TMBIM1: variants seen among roughly 807,000 people sequenced by gnomAD.
The protein encoded by TMBIM1 is transmembrane BAX inhibitor motif containing 1, also known as protein lifeguard 3.
Under a neutral mutation model 45.1 loss-of-function variants are expected in TMBIM1, and 34 were observed. The ratio of observed to expected loss-of-function variants is 0.75; its 90% CI spans 0.57 to 1.00. TMBIM1 has a LOEUF of 1.00. TMBIM1 is among the 50% of genes least tolerant of loss of function. TMBIM1 has a pLI of 0.00. For synonymous variants in TMBIM1, 157 were observed against 153.5 expected (o/e 1.02, Z -0.17); for missense variants, 374 against 402.4 (o/e 0.93, Z 0.60).
chr2:218,280,843 G>A (rs1349571566), intron 2 of TMBIM1: 1 of 137,748 alleles, frequency 7.3e-6, no homozygotes, highest in Non-Finnish European at 1.5e-5. Context: ...TGGAGTTTCG[G>A]TCTTGTTGCC....
At position 218,277,029 on chromosome 2, in the gene TMBIM1, G is replaced by C; in HGVS notation, c.710C>G (p.Thr237Ser). The C allele has an allele frequency of 6.2e-7, 1 of 1,614,146 alleles. No individual in the cohort carries two copies. The highest frequency in any genetic ancestry group is 2.2e-5 in the East Asian group (1 of 44,880). ...GTATTGGAAGTAGAGCACAATGCTA[G>C]TGACAATCCCAGTCACCAGGAGCAC... ...GIVLLVTGIV[T>S]SIVLYFQYVY... is the part of the protein sequence containing the mutation. The change falls in exon 10 of 12, where the codon ACT (threonine) becomes AGT (serine). Residue 237 changes from threonine (T) to serine (S), a missense_variant. Transcript: ENST00000258412.
chr2:218,285,197 G>C (rs1336432115), intron 1 of TMBIM1, among the ~76,000 whole-genome samples: 1 of 152,236 alleles, frequency 6.6e-6, no homozygotes. Flanking sequence ...CAACAGTCCA[G>C]CAAGTTAATA....
At chr2:218,276,004 C>G in intron 11 of TMBIM1, 22 bp downstream of exon 11, 1 of 1,607,100 alleles carries the variant, frequency 6.2e-7, no homozygotes, top group Non-Finnish European at 8.5e-7. Flanking sequence ...GCTCCCCTTC[C>G]TAGAGTGGGG....
At chr2:218,285,225 A>G (rs1258114303) in intron 1 of TMBIM1, among the ~76,000 whole-genome samples, 1 of 152,226 alleles carries the variant, frequency 6.6e-6, no homozygotes, top group Non-Finnish European at 1.5e-5. Context: ...TATTATTCCC[A>G]TTTACAAATG....
In TMBIM1 at chr2:218,279,082, G is replaced by T. The variant is rs183968683; in HGVS notation, c.378C>A (p.Val126=). ...IIAIFTFVEP[V]SAFVRRNVAV... is the part of the protein sequence containing the mutation. ...CCACATTTCTCCTCACAAAGGCGCT[G>T]ACAGGTTCCCTGTGGGGCACAGGAG... is the stretch of plus-strand genomic sequence containing the variant. Residue 126 remains valine, a synonymous_variant, in exon 5 of 12, where the codon GTC becomes GTA. Transcript: ENST00000258412. 6.2e-7 allele frequency: 1 copy of T among 1,614,136 alleles called. No homozygotes were observed. Among genetic ancestry groups the T allele is most frequent in the East Asian group, 2.2e-5 (1 of 44,870 alleles).
At position 218,282,051 on chromosome 2, in the gene TMBIM1, C is replaced by G. The variant is rs200149625; in HGVS notation, c.91G>C (p.Val31Leu). 2.5e-6 allele frequency: 4 copies of G among 1,601,812 alleles called. No homozygotes were observed. Among genetic ancestry groups the G allele is most frequent in the Non-Finnish European group, 3.4e-6 (4 of 1,175,038 alleles). The part of the protein sequence containing the change: ...PPPGGYGQPS[V>L]LPGGYPAYPG... ...TAGGCAGGATACCCTCCTGGCAGGA[C>G]AGATGGCTGCCCATAGCCCCCAGGG... The change falls in exon 2 of 12, where the codon GTC becomes CTC. Residue 31 changes from valine to leucine, a missense_variant. Val to Leu is a conservative substitution (Grantham distance 32). Coordinates refer to ENST00000258412, the MANE Select transcript of TMBIM1 (RefSeq NM_022152.6).
chr2:218,275,353 G>T lies in TMBIM1; in HGVS notation c.*122C>A. 3 of 1,360,722 alleles carry T rather than the reference G, an allele frequency of 2.2e-6. No homozygotes were observed. Among genetic ancestry groups the T allele is most frequent in the Non-Finnish European group, 2.9e-6 (3 of 1,018,832 alleles). 84.3% of individuals were successfully genotyped at this position (1,360,722 alleles called of 1,614,324 possible). A position where few individuals can be genotyped will look rare whatever the true frequency, so the allele number is the denominator to read the frequency against. On this transcript the variant is annotated 3_prime_UTR_variant, in exon 12 of 12. Coordinates refer to ENST00000258412, the MANE Select transcript of TMBIM1 (RefSeq NM_022152.6). ...GGCCACCTGTCTCCAGGACAGAAAG[G>T]AAACTGGGCATGTTACTCAAGGGGA...
At chr2:218,292,301 G>A (rs1692983324) in intron 1 of TMBIM1, among the ~76,000 whole-genome samples, 165 bp downstream of exon 1, 1 of 152,138 alleles carries the variant, frequency 6.6e-6, no homozygotes, top group East Asian at 1.9e-4. Context: ...CCAAGGGCCA[G>A]GAGGGGAGAT....
intron 1 of TMBIM1, chr2:218,286,235 T>G (rs926676191): frequency 6.6e-6 from 1 of 151,962 alleles, no homozygotes; most frequent in Non-Finnish European, 1.5e-5. Flanking sequence ...AAACGGGGTT[T>G]CACCATGTTG....
chr2:218,276,313 T>C (rs903205983), intron 10 of TMBIM1, among the ~76,000 whole-genome samples: 1 of 152,114 alleles, frequency 6.6e-6, no homozygotes, highest in African/African-American at 2.4e-5. Context: ...CCAAAGCCAG[T>C]CAAGGTACAC....
At chr2:218,277,910 C>T in intron 7 of TMBIM1, 25 bp downstream of exon 7, 1 of 1,614,100 alleles carries the variant, frequency 6.2e-7, no homozygotes, top group Non-Finnish European at 8.5e-7. Flanking sequence ...ATCTCCACAC[C>T]CTCCTGCCAC....
chr2:218,283,011 G>A (rs1015871867), intron 1 of TMBIM1, among the ~76,000 whole-genome samples: 5 of 152,182 alleles, frequency 3.3e-5, no homozygotes, highest in Non-Finnish European at 5.9e-5. Context: ...CCCCCACCCT[G>A]GAGGGGGAGA....
At position 218,275,428 on chromosome 2, in the gene TMBIM1, G is replaced by A; in HGVS notation, c.*47C>T. On this transcript the variant is annotated 3_prime_UTR_variant, in exon 12 of 12. Transcript: ENST00000258412. ...CACAGTCATAGGGCCCAGCCCTCTA[G>A]CTTGGAAGGGAGAGCCCAGGATCGG... is the stretch of plus-strand genomic sequence containing the variant. 5 of 1,586,950 alleles carry A rather than the reference G, an allele frequency of 3.2e-6. No individual in the cohort carries two copies. The highest frequency in any genetic ancestry group is 1.2e-5 in the South Asian group (1 of 86,382).
chr2:218,278,008 T>C, intron 6 of TMBIM1, 34 bp from the exon 7 acceptor site: 1 of 1,613,222 alleles, frequency 6.2e-7, no homozygotes. Context: ...TTAAATGACT[T>C]GGGGCCCCTC....
At chr2:218,280,805 C>CTTTTTTTTTT (rs950294415) in intron 2 of TMBIM1, 1 of 104,040 alleles carries the variant, frequency 9.6e-6, no homozygotes, top group African/African-American at 4.5e-5. Context: ...ACCTCATTTC[C>CTTTTTTTTTT]TTTTTTTTTT....
At chr2:218,280,257 C>A (rs1425834966) in intron 2 of TMBIM1, 131 bp from the exon 3 acceptor site, 5 of 695,628 alleles carry the variant, frequency 7.2e-6, no homozygotes, top group African/African-American at 5.3e-5. Flanking sequence ...GAACTCTTCT[C>A]CCAAGCTGGG....
At chr2:218,277,251 G>A (rs1291909375) in intron 9 of TMBIM1, 115 bp downstream of exon 9, 2 of 1,164,732 alleles carry the variant, frequency 1.7e-6, no homozygotes, top group East Asian at 2.3e-5. Flanking sequence ...AGTTTTGTAG[G>A]TGCGGATGAG....
chr2:218,278,472 ATCCCTG>A, intron 6 of TMBIM1, 37 bp downstream of exon 6: 1 of 1,600,312 alleles, frequency 6.2e-7, no homozygotes, highest in Non-Finnish European at 8.6e-7. Context: ...CCCCATCCCA[ATCCCTG>A]TCACCCCTCT....
rs1329475544 is a variant in TMBIM1, at chr2:218,275,513, A to G, written c.898T>C (p.Phe300Leu). Residue 300 changes from phenylalanine (F) to leucine (L), a missense_variant, in exon 12 of 12, where the codon TTC becomes CTC. Coordinates refer to ENST00000258412, the MANE Select transcript of TMBIM1 (RefSeq NM_022152.6). ...CCCATCAGCTGCAGCACAAAGGTGA[A>G]GATGTAGATGATGTCTGTGTAAATC... Reference protein sequence around the residue: ...LQIYTDIIYIFTFVLQLMGDR... With the variant: ...LQIYTDIIYILTFVLQLMGDR... 1 of 1,614,028 alleles carries G rather than the reference A, an allele frequency of 6.2e-7. No homozygotes were observed. The highest frequency in any genetic ancestry group is 8.5e-7 in the Non-Finnish European group (1 of 1,180,004).
Sources: allele counts gnomAD v4.1 joint callset (sites outside exome capture counted in the v4.1 genomes callset), GRCh38; gene constraint gnomAD v4.1.1; transcripts MANE v1.5; gene names NCBI Gene and HGNC (gene_info 2026-07-23, HGNC 2026-07-21).